The following BICD1 variants were observed in gnomAD, a reference collection of about 807,000 sequenced individuals.
BICD1 encodes protein bicaudal D homolog 1.
A neutral mutation model predicts 92.5 loss-of-function variants in BICD1; 35 were observed. The observed-to-expected ratio is 0.38, with a 90% CI of 0.29 to 0.50. The LOEUF is 0.50. Ranked by LOEUF, BICD1 falls within the 20% of genes least tolerant of loss-of-function variation. The pLI is 0.93. For missense variants in BICD1, 950 were observed against 1,189.8 expected (o/e 0.80, Z 2.97); for synonymous variants, 429 against 465.1 (o/e 0.92, Z 1.00).
intron 2 of BICD1, among the ~76,000 whole-genome samples, chr12:32,260,009 C>G (rs1323570214): frequency 6.6e-6 from 1 of 151,672 alleles, no homozygotes; most frequent in Non-Finnish European, 1.5e-5. Context: ...ACCACAACCT[C>G]TGCCTCCCGG....
At chr12:32,200,356 A>G (rs1468508460) in intron 1 of BICD1, among the ~76,000 whole-genome samples, 1 of 152,252 alleles carries the variant, frequency 6.6e-6, no homozygotes. Flanking sequence ...ACCAGGACAG[A>G]GATAGCTGGA....
chr12:32,234,478 T>A (rs1945999014), intron 2 of BICD1, among the ~76,000 whole-genome samples: 1 of 151,694 alleles, frequency 6.6e-6, no homozygotes, highest in Non-Finnish European at 1.5e-5. Flanking sequence ...ATGCCTGTAA[T>A]CCCAGCTACT....
chr12:32,171,576 C>G (rs1943938649), intron 1 of BICD1, among the ~76,000 whole-genome samples: 1 of 152,148 alleles, frequency 6.6e-6, no homozygotes, highest in Admixed American at 6.5e-5. Flanking sequence ...CACAGTCCTG[C>G]TATGACTGAG....
intron 2 of BICD1, among the ~76,000 whole-genome samples, chr12:32,262,316 C>T (rs1946880333): frequency 6.6e-6 from 1 of 152,106 alleles, no homozygotes; most frequent in African/African-American, 2.4e-5. Flanking sequence ...TCTGAGTCTT[C>T]TACTTCCTGC....
At chr12:32,359,125 T>C (rs1213353000) in intron 8 of BICD1, among the ~76,000 whole-genome samples, 1 of 148,836 alleles carries the variant, frequency 6.7e-6, no homozygotes, top group Admixed American at 8.2e-5. Context: ...TATAACTCTC[T>C]GTCAATTTCC....
At chr12:32,164,320 T>C (rs1943689625) in intron 1 of BICD1, among the ~76,000 whole-genome samples, 1 of 152,234 alleles carries the variant, frequency 6.6e-6, no homozygotes, top group African/African-American at 2.4e-5. Context: ...TAAGGAATCT[T>C]TGCAGTTTTA....
chr12:32,328,534 G>A lies in BICD1; in HGVS notation c.2079G>A (p.Ala693=), dbSNP rs113004430. 9.9e-5 allele frequency: 160 copies of A among 1,611,772 alleles called. No individual in the cohort carries two copies. The African/African-American group carries it at 1.4e-3, about 14-fold the overall frequency. ...TKREQIATLR[A]VLKANKQTAE... ...GGGAGCAGATCGCCACATTGAGGGC[G>A]GTGTTGAAAGCCAACAAGCAGGTAA... Residue 693 remains alanine, a synonymous_variant, in exon 5 of 10, where the codon GCG becomes GCA. Transcript: ENST00000652176. This position sits in a 1 kb window ranked among gnomAD's most constrained non-coding sequence, Gnocchi z 4.4.
intron 1 of BICD1, among the ~76,000 whole-genome samples, chr12:32,142,218 C>T (rs1942946391): frequency 1.3e-5 from 2 of 151,730 alleles, no homozygotes; most frequent in South Asian, 2.1e-4. Context: ...CCAGCCTGGC[C>T]AACATGGTGA....
chr12:32,194,771 T>C (rs1003498461), intron 1 of BICD1, among the ~76,000 whole-genome samples: 3 of 152,090 alleles, frequency 2.0e-5, no homozygotes, highest in Non-Finnish European at 4.4e-5. Flanking sequence ...TAATCCCAGC[T>C]ACTCAGGAGG....
chr12:32,224,370 C>T (rs780582768), intron 2 of BICD1, among the ~76,000 whole-genome samples: 39 of 152,316 alleles, frequency 2.6e-4, no homozygotes, highest in African/African-American at 8.2e-4. Context: ...CACCATATGC[C>T]AGGTATGAAG....
chr12:32,202,767 TGC>T (rs1446318974), intron 1 of BICD1, among the ~76,000 whole-genome samples: 1 of 152,080 alleles, frequency 6.6e-6, no homozygotes, highest in Non-Finnish European at 1.5e-5. Flanking sequence ...TGCACCACCA[TGC>T]CTGTCTAATT....
intron 1 of BICD1, among the ~76,000 whole-genome samples, chr12:32,181,290 T>G (rs1432117986): frequency 6.6e-6 from 1 of 151,520 alleles, no homozygotes; most frequent in East Asian, 1.9e-4. Context: ...AGTGGTGGCA[T>G]GCGCCTGTAA....
intron 1 of BICD1, among the ~76,000 whole-genome samples, chr12:32,134,829 A>G (rs1296380980): frequency 6.6e-6 from 1 of 152,202 alleles, no homozygotes; most frequent in Non-Finnish European, 1.5e-5. Flanking sequence ...TCTACAGCAG[A>G]TATTGCAAGC....
In BICD1 at chr12:32,378,344, T is replaced by G. The variant is rs1430311615; in HGVS notation, c.*717T>G. The stretch of plus-strand genomic sequence containing the variant: ...TTGTTTTTGTATTTTTAACTAGAGT[T>G]CTTCACTGGACATTACTAAGTAAAT... On this transcript the variant is annotated 3_prime_UTR_variant, in exon 10 of 10. Coordinates refer to ENST00000652176, the MANE Select transcript of BICD1 (RefSeq NM_001714.4). 6.6e-6 allele frequency: 1 copy of G among 152,256 alleles called. No homozygotes were observed. The highest frequency in any genetic ancestry group is 2.4e-5 in the African/African-American group (1 of 41,476). 9.4% of individuals were successfully genotyped at this position (152,256 alleles called of 1,614,324 possible). A position where few individuals can be genotyped will look rare whatever the true frequency, so the allele number is the denominator to read the frequency against.
chr12:32,209,273 A>G (rs1347613549), intron 1 of BICD1, among the ~76,000 whole-genome samples: 1 of 152,260 alleles, frequency 6.6e-6, no homozygotes, highest in East Asian at 1.9e-4. Flanking sequence ...ATTTGATGTG[A>G]TTATAACTCA....
chr12:32,112,609 T>C (rs181723998), intron 1 of BICD1, among the ~76,000 whole-genome samples: 1 of 152,272 alleles, frequency 6.6e-6, no homozygotes, highest in East Asian at 1.9e-4. Flanking sequence ...AATTATGGCT[T>C]TGAGGAGAGG....
At chr12:32,344,606 T>G (rs1252906308) in intron 8 of BICD1, among the ~76,000 whole-genome samples, 1 of 152,182 alleles carries the variant, frequency 6.6e-6, no homozygotes, top group African/African-American at 2.4e-5. Context: ...TGTTTAAATA[T>G]GTCCCAAGTT....
chr12:32,382,261 T>C lies in BICD1; in HGVS notation c.*4634T>C, dbSNP rs190106304. On this transcript the variant is annotated 3_prime_UTR_variant, in exon 10 of 10. Coordinates refer to ENST00000652176, the MANE Select transcript of BICD1 (RefSeq NM_001714.4). ...TCAAAGTGTAATTGAAAGAGATATT[T>C]AGTATTAAGACATGTTCCCCAATTG... 5.2e-3 allele frequency: 790 copies of C among 152,242 alleles called. 4 individuals are homozygous for C. Among genetic ancestry groups the C allele is most frequent in the African/African-American group, 0.018 (756 of 41,578 alleles). 9.4% of individuals were successfully genotyped at this position (152,242 alleles called of 1,614,324 possible).
chr12:32,316,123 G>A (rs2728699), intron 4 of BICD1, among the ~76,000 whole-genome samples: 87,989 of 145,444 alleles, frequency 0.6, 26,566 homozygotes, highest in Middle Eastern at 0.74. Flanking sequence ...GCAACAGAGT[G>A]AGACCCTGTC....
Sources: gnomAD v4.1 joint callset for allele counts (sites outside exome capture counted in the v4.1 genomes callset) on GRCh38, gnomAD v4.1.1 for gene constraint, Gnocchi (gnomAD v3.1) non-coding constraint, MANE v1.5 for transcripts, NCBI Gene and HGNC (gene_info 2026-07-23, HGNC 2026-07-21) for gene names.